Variants in BARD1 observed in about 807,000 individuals in gnomAD.
The protein encoded by BARD1 is BRCA1-associated RING domain protein 1.
A neutral mutation model predicts 77.0 loss-of-function variants in BARD1; 73 were observed. The ratio of observed to expected loss-of-function variants is 0.95; its 90% CI spans 0.79 to 1.15. The LOEUF is 1.15. Among genes scored for constraint, BARD1 ranks in the 50% most tolerant of loss-of-function variants. The pLI is 0.00. For synonymous variants in BARD1, 384 were observed against 338.0 expected, an observed-to-expected ratio of 1.14 and a Z score of -1.49; for missense variants, 993 against 938.8, an observed-to-expected ratio of 1.06 and a Z score of -0.75.
intron 4 of BARD1, among the ~76,000 whole-genome samples, chr2:214,779,801 T>A (rs1219109243): frequency 3.9e-5 from 6 of 152,214 alleles, no homozygotes. Flanking sequence ...CCTAATTTAG[T>A]ACTAAGGTCT....
intron 9 of BARD1, among the ~76,000 whole-genome samples, chr2:214,738,482 ATTTT>A (rs1311445432): frequency 6.6e-6 from 1 of 152,036 alleles, no homozygotes; most frequent in Non-Finnish European, 1.5e-5. Flanking sequence ...TACAGAAGGT[ATTTT>A]TTTATTCTAA....
chr2:214,798,032 G>C lies in BARD1; in HGVS notation c.159-915C>G, dbSNP rs567500709. Among the ~76,000 whole-genome samples the C allele has an allele frequency of 2.0e-5, 3 of 151,744 alleles. No homozygotes were observed. In the South Asian group the frequency reaches 6.3e-4, roughly 32 times the overall value. Reference sequence around the variant, plus strand: ...TAAATGATGAGCACTTTTTCTGCTTGGTTTATTATACTAACTCTAAAACCT... The same window carrying C: ...TAAATGATGAGCACTTTTTCTGCTTCGTTTATTATACTAACTCTAAAACCT... On this transcript the variant is annotated intron_variant, in intron 1 of 10. Coordinates refer to ENST00000260947, the MANE Select transcript of BARD1 (RefSeq NM_000465.4).
At chr2:214,747,803 A>G (rs1354330711) in intron 7 of BARD1, among the ~76,000 whole-genome samples, 1 of 151,754 alleles carries the variant, frequency 6.6e-6, no homozygotes, top group Admixed American at 6.6e-5. Flanking sequence ...ACATGTATAC[A>G]TATGTAACAA....
intron 9 of BARD1, among the ~76,000 whole-genome samples, chr2:214,735,950 G>GT (rs1692548563): frequency 6.6e-6 from 1 of 151,846 alleles, no homozygotes. Flanking sequence ...TAATTTGTTA[G>GT]TTTTATCTGT....
chr2:214,740,912 A>T (rs755296314), intron 9 of BARD1, among the ~76,000 whole-genome samples: 11 of 151,632 alleles, frequency 7.3e-5, no homozygotes, highest in Non-Finnish European at 1.5e-4. Flanking sequence ...GTTTTTTTTT[A>T]AATAATTAGC....
In BARD1 at chr2:214,727,858, T is replaced by C. The variant is rs1000333459; in HGVS notation, c.*818A>G. 1.4e-5 allele frequency: 3 copies of C among 220,496 alleles called. No individual in the cohort carries two copies. Among genetic ancestry groups the C allele is most frequent in the African/African-American group, 2.2e-5 (1 of 44,722 alleles). The allele number at this position is 220,496 out of a possible 1,614,324, so 13.7% of individuals were successfully genotyped here. A position where few individuals can be genotyped will look rare whatever the true frequency, so the allele number is the denominator to read the frequency against. On this transcript the variant is annotated 3_prime_UTR_variant, in exon 11 of 11. Coordinates refer to ENST00000260947, the MANE Select transcript of BARD1 (RefSeq NM_000465.4). ...TGCTTCTTAATTTAAAGTAATGACG[T>C]TGGACTGACAATTTGCTAGACTGGT... is the stretch of plus-strand genomic sequence containing the variant.
At chr2:214,762,635 C>G (rs1472966222) in intron 6 of BARD1, among the ~76,000 whole-genome samples, 1 of 152,086 alleles carries the variant, frequency 6.6e-6, no homozygotes, top group East Asian at 1.9e-4. Context: ...AAAAACCTAG[C>G]AAACTGATGT....
intron 6 of BARD1, among the ~76,000 whole-genome samples, chr2:214,753,041 C>T (rs1051721099): frequency 1.3e-5 from 2 of 152,116 alleles, no homozygotes; most frequent in Admixed American, 6.6e-5. Context: ...TTAATTTAAA[C>T]ATGTGTGCAT....
intron 7 of BARD1, among the ~76,000 whole-genome samples, chr2:214,751,106 TGTGTGTGTGTG>T (rs1693395839): frequency 9.3e-5 from 1 of 10,736 alleles, no homozygotes. Context: ...TGTGTGTGTG[TGTGTGTGTGTG>T]TATATATATA....
chr2:214,780,523 C>G lies in BARD1; in HGVS notation c.1314+37G>C, dbSNP rs115533621. The stretch of plus-strand genomic sequence containing the variant: ...GCAAAGAAATTGCTTTATAGTTGGC[C>G]TCATTCTGAGATGGTATTTCAGAGT... On this transcript the variant is annotated intron_variant, in intron 4 of 10. Transcript: ENST00000260947. The G allele has an allele frequency of 2.0e-4, 313 of 1,585,076 alleles. No individual in the cohort carries two copies. The African/African-American group carries it at 3.8e-3, about 19-fold the overall frequency.
chr2:214,809,500 G>A lies in BARD1; in HGVS notation c.70C>T (p.Pro24Ser), dbSNP rs1048108. ...IRSGNEPRSAPAMEPDGRGAW... is the reference protein window; with the variant it reads ...IRSGNEPRSASAMEPDGRGAW... ...CCGCGACCATCCGGTTCCATGGCGG[G>A]CGCGGAACGAGGCTCGTTCCCGGAG... is the stretch of plus-strand genomic sequence containing the variant. Residue 24 changes from proline to serine, a missense_variant, in exon 1 of 11, where the codon CCC becomes TCC. By Grantham distance (74) the Pro-to-Ser change is moderately conservative (BLOSUM62 -1). Coordinates refer to ENST00000260947, the MANE Select transcript of BARD1 (RefSeq NM_000465.4). 581,353 of 1,603,114 alleles carry A rather than the reference G, an allele frequency of 0.36. 107,214 individuals are homozygous for A. Among genetic ancestry groups the A allele is most frequent in the Admixed American group, 0.42 (24,666 of 59,410 alleles).
At chr2:214,749,147 T>C (rs1228696984) in intron 7 of BARD1, among the ~76,000 whole-genome samples, 1 of 148,528 alleles carries the variant, frequency 6.7e-6, no homozygotes, top group Non-Finnish European at 1.5e-5. Context: ...GTCTGAAGGG[T>C]GTGAGGAAGC....
intron 6 of BARD1, among the ~76,000 whole-genome samples, chr2:214,754,357 A>G (rs1693598251): frequency 7.0e-6 from 1 of 142,864 alleles, no homozygotes; most frequent in Non-Finnish European, 1.5e-5. Flanking sequence ...AAAAAATGAG[A>G]AAAAAAAAAA....
At chr2:214,790,544 C>T (rs1362324247) in intron 3 of BARD1, among the ~76,000 whole-genome samples, 2 of 152,176 alleles carry the variant, frequency 1.3e-5, no homozygotes, top group East Asian at 3.9e-4. Context: ...ACCTTGCATA[C>T]ACTTTCATCT....
chr2:214,803,220 TC>T (rs1276090592), intron 1 of BARD1, among the ~76,000 whole-genome samples: 3 of 151,816 alleles, frequency 2.0e-5, no homozygotes, highest in African/African-American at 7.3e-5. Flanking sequence ...CCAGGTATTG[TC>T]CAAGGTTTCT....
At chr2:214,767,706 GGAT>G (rs1442512071) in intron 5 of BARD1, 52 bp from the exon 6 acceptor site, 18 of 1,500,518 alleles carry the variant, frequency 1.2e-5, no homozygotes, top group East Asian at 4.5e-5. Flanking sequence ...AAAGAGCAAT[GGAT>G]GATATTATAA....
chr2:214,788,507 A>G (rs932420751), intron 3 of BARD1, among the ~76,000 whole-genome samples: 1 of 152,104 alleles, frequency 6.6e-6, no homozygotes, highest in Non-Finnish European at 1.5e-5. Flanking sequence ...TGATTTGACA[A>G]GTTCTTCCTA....
chr2:214,762,591 TCAC>T, intron 6 of BARD1, among the ~76,000 whole-genome samples: 1 of 152,246 alleles, frequency 6.6e-6, no homozygotes, highest in South Asian at 2.1e-4. Context: ...AAATCACAAA[TCAC>T]TCTAACTTTT....
intron 3 of BARD1, among the ~76,000 whole-genome samples, chr2:214,788,927 G>A (rs553598934): frequency 2.0e-5 from 3 of 152,098 alleles, no homozygotes; most frequent in African/African-American, 7.2e-5. Flanking sequence ...GAAACAAAGG[G>A]AAATGTTCCA....
Sources: gnomAD v4.1 joint callset for allele counts (sites outside exome capture counted in the v4.1 genomes callset) on GRCh38, gnomAD v4.1.1 for gene constraint, MANE v1.5 for transcripts, NCBI Gene and HGNC (gene_info 2026-07-23, HGNC 2026-07-21) for gene names.